ANK2: variants seen among roughly 807,000 people sequenced by gnomAD.
ANK2 encodes the protein ankyrin 2.
Under a neutral mutation model 360.5 loss-of-function variants are expected in ANK2, and 83 were observed. That is an observed-to-expected ratio of 0.23 (90% CI 0.19 to 0.28). ANK2 has a LOEUF of 0.28. Among genes scored for constraint, ANK2 ranks in the 10% least tolerant of loss-of-function variants. The pLI, the probability that ANK2 is intolerant of heterozygous loss-of-function variation, is 1.00. For missense variants in ANK2, 4,201 were observed against 4,795.7 expected (o/e 0.88, Z 3.66); for synonymous variants, 1,740 against 1,759.5 (o/e 0.99, Z 0.28).
chr4:113,174,433 C>T lies in ANK2; in HGVS notation c.102C>T (p.Ser34=), dbSNP rs866875104. The T allele has an allele frequency of 5.0e-6, 8 of 1,612,760 alleles. No homozygotes were observed. Among genetic ancestry groups the T allele is most frequent in the Middle Eastern group, 3.3e-4 (2 of 6,078 alleles). ...TCTCGCAGTCTGACAGCAATGCAAG[C>T]TTCCTCCGTGCTGCCAGAGCAGGCA... The part of the protein sequence containing the change: ...KRPKKSDSNA[S]FLRAARAGNL... Residue 34 remains serine (S), a synonymous_variant, in exon 2 of 46, where the codon AGC becomes AGT. Coordinates refer to ENST00000357077, the MANE Select transcript of ANK2 (RefSeq NM_001148.6).
chr4:113,057,601 T>TTATA (rs535603731), intron 1 of ANK2, among the ~76,000 whole-genome samples: 1 of 151,650 alleles, frequency 6.6e-6, no homozygotes, highest in African/African-American at 2.4e-5. Context: ...CCTTCTCCTA[T>TTATA]TATATATATA....
chr4:113,030,266 G>A (rs1311107762), intron 2 of ANK2, among the ~76,000 whole-genome samples: 1 of 152,020 alleles, frequency 6.6e-6, no homozygotes, highest in African/African-American at 2.4e-5. Flanking sequence ...CTTATGTGTG[G>A]CTCACTTGAT....
intron 1 of ANK2, among the ~76,000 whole-genome samples, chr4:113,129,933 C>T (rs569294746): frequency 1.3e-5 from 2 of 152,244 alleles, no homozygotes; most frequent in East Asian, 3.9e-4. Context: ...TCATTGACCA[C>T]TTTCTATCTC....
chr4:113,381,482 C>G lies in ANK2; in HGVS notation c.*11C>G, dbSNP rs546864425. The G allele has an allele frequency of 3.1e-6, 5 of 1,614,150 alleles. No homozygotes were observed. Among genetic ancestry groups the G allele is most frequent in the Admixed American group, 1.7e-5 (1 of 60,024 alleles). On this transcript the variant is annotated 3_prime_UTR_variant, in exon 46 of 46. Coordinates refer to ENST00000357077, the MANE Select transcript of ANK2 (RefSeq NM_001148.6). Reference sequence around the variant, plus strand: ...GACAACAATGAGTAAAGCCATCACACAGAAGAGGGCTGTGGTGAAGGACCA... The same window carrying G: ...GACAACAATGAGTAAAGCCATCACAGAGAAGAGGGCTGTGGTGAAGGACCA...
chr4:112,768,228 ATTG>A, the ANK2 span, among the ~76,000 whole-genome samples: 1 of 152,026 alleles, frequency 6.6e-6, no homozygotes, highest in African/African-American at 2.4e-5. Context: ...ATTTGGTACT[ATTG>A]TTCATGCTTT....
At chr4:112,775,467 C>T in the ANK2 span, among the ~76,000 whole-genome samples, 18 of 146,168 alleles carry the variant, frequency 1.2e-4, no homozygotes, top group Non-Finnish European at 2.0e-4. Context: ...TGCAGTGAGC[C>T]GAGATTGGGC....
At position 113,353,475 on chromosome 4, in the gene ANK2, T is replaced by C. The variant is rs1382043171; in HGVS notation, c.4857T>C (p.Val1619=). The change falls in exon 38 of 46, where the codon GTT becomes GTC. Residue 1619 remains valine, a synonymous_variant. Transcript: ENST00000357077. ...LEITEYPCVE[V]RIDKEIKGKV... ...TCACTGAATATCCATGTGTAGAAGT[T>C]AGAATAGATAAAGAGATCAAAGGAA... 1 of 1,613,900 alleles carries C rather than the reference T, an allele frequency of 6.2e-7. No homozygotes were observed. The highest frequency in any genetic ancestry group is 1.7e-5 in the Admixed American group (1 of 59,988).
the ANK2 span, among the ~76,000 whole-genome samples, chr4:112,767,454 G>A: frequency 9.5e-3 from 1,442 of 152,056 alleles, 23 homozygotes; most frequent in African/African-American, 0.033. Flanking sequence ...CCAGCTACTC[G>A]GGAGGCTGAA....
chr4:112,934,696 C>T (rs1204990138), intron 2 of ANK2, among the ~76,000 whole-genome samples: 15 of 152,082 alleles, frequency 9.9e-5, no homozygotes, highest in African/African-American at 3.6e-4. Context: ...TATTTTTGGG[C>T]ACTGGAGATT....
intron 18 of ANK2, 124 bp downstream of exon 18, chr4:113,282,996 C>T (rs2062989227): frequency 6.5e-6 from 7 of 1,083,768 alleles, no homozygotes; most frequent in Admixed American, 4.0e-5. Context: ...TCTTACAGAC[C>T]CCAAGGACAG....
chr4:112,910,101 A>G (rs960609701), intron 2 of ANK2, among the ~76,000 whole-genome samples: 2 of 152,204 alleles, frequency 1.3e-5, no homozygotes, highest in East Asian at 3.8e-4. Context: ...GTGATCTCCA[A>G]TATCTGCGTT....
At chr4:113,179,582 A>C (rs1294090492) in intron 2 of ANK2, among the ~76,000 whole-genome samples, 1 of 152,168 alleles carries the variant, frequency 6.6e-6, no homozygotes, top group East Asian at 1.9e-4. Context: ...AATATGGTTA[A>C]CTTTTATTTT....
intron 1 of ANK2, chr4:113,069,984 G>A (rs2279892): frequency 0.13 from 19,429 of 152,058 alleles, 1,594 homozygotes; most frequent in African/African-American, 0.23. Context: ...AACCTCATCC[G>A]AAGTCCTGGG....
chr4:113,247,185 GAA>G (rs2043407712), intron 9 of ANK2, among the ~76,000 whole-genome samples: 2 of 149,340 alleles, frequency 1.3e-5, no homozygotes, highest in African/African-American at 5.0e-5. Flanking sequence ...CAACAACAGA[GAA>G]AACACAAGGG....
At chr4:112,843,241 C>T (rs1163322141) in intron 1 of ANK2, among the ~76,000 whole-genome samples, 3 of 152,166 alleles carry the variant, frequency 2.0e-5, no homozygotes. Context: ...TTAGCCTTCA[C>T]GGAGATGTAC....
intron 33 of ANK2, among the ~76,000 whole-genome samples, chr4:113,342,696 T>A (rs556184242): frequency 7.4e-5 from 11 of 149,018 alleles, no homozygotes; most frequent in Non-Finnish European, 1.6e-4. Context: ...TGAGACTCCG[T>A]CTCAAAAAAA....
the ANK2 span, among the ~76,000 whole-genome samples, chr4:112,772,881 G>A: frequency 4.6e-5 from 7 of 152,264 alleles, no homozygotes; most frequent in East Asian, 1.2e-3. Flanking sequence ...AGGAGGTGAC[G>A]GTACTGGGGA....
intron 1 of ANK2, among the ~76,000 whole-genome samples, chr4:113,097,875 TGCACACACACACACACGCACAC>T (rs2091839267): frequency 2.7e-5 from 3 of 109,198 alleles, no homozygotes; most frequent in African/African-American, 8.5e-5. Flanking sequence ...TGTATATATA[TGCACACACACACACACGCACAC>T]ACACATATAT....
the ANK2 span, among the ~76,000 whole-genome samples, chr4:112,801,514 T>C: frequency 6.6e-6 from 1 of 152,160 alleles, no homozygotes; most frequent in Admixed American, 6.5e-5. Context: ...AGGCACAGGA[T>C]GCTGTGGTTA....
Sources: allele counts gnomAD v4.1 joint callset (sites outside exome capture counted in the v4.1 genomes callset), GRCh38; gene constraint gnomAD v4.1.1; transcripts MANE v1.5; gene names NCBI Gene and HGNC (gene_info 2026-07-23, HGNC 2026-07-21).